Variants in ADK observed in about 807,000 individuals in gnomAD.
ADK encodes the protein adenosine kinase, also known as N6,N6-dimethyladenosine kinase.
ADK carries 24 observed loss-of-function variants against 44.7 expected under a neutral mutation model. That is an observed-to-expected ratio of 0.54 (90% CI 0.39 to 0.76). The LOEUF (loss-of-function observed/expected upper bound fraction) is 0.76, where lower values mean the gene tolerates loss of function less well. ADK is among the 30% of genes least tolerant of loss of function. ADK has a pLI of 0.00. For synonymous variants in ADK, 128 were observed against 142.6 expected, an observed-to-expected ratio of 0.90 and a Z score of 0.73; for missense variants, 321 against 425.1, an observed-to-expected ratio of 0.76 and a Z score of 2.15.
At chr10:74,280,901 T>A (rs1390723762) in intron 3 of ADK, among the ~76,000 whole-genome samples, 1 of 152,232 alleles carries the variant, frequency 6.6e-6, no homozygotes, top group African/African-American at 2.4e-5. Flanking sequence ...TCTTTCCTAA[T>A]TTAGATGCAA....
intron 7 of ADK, among the ~76,000 whole-genome samples, chr10:74,560,892 G>A (rs1215254537): frequency 6.6e-6 from 1 of 152,078 alleles, no homozygotes; most frequent in Non-Finnish European, 1.5e-5. Context: ...TTTAAGGTGC[G>A]AGCTATTATC....
chr10:74,418,640 T>C (rs1488927983), intron 6 of ADK, among the ~76,000 whole-genome samples: 1 of 152,194 alleles, frequency 6.6e-6, no homozygotes, highest in Non-Finnish European at 1.5e-5. Flanking sequence ...GTTTTTATGA[T>C]TGACTTTAAT....
At chr10:74,679,975 G>A (rs114548280) in intron 10 of ADK, among the ~76,000 whole-genome samples, 2,620 of 147,834 alleles carry the variant, frequency 0.018, 66 homozygotes, top group African/African-American at 0.063. Flanking sequence ...AAAATAAAAA[G>A]TAAAGAAGAC....
chr10:74,290,257 T>C (rs1470068711), intron 3 of ADK, among the ~76,000 whole-genome samples: 2 of 152,188 alleles, frequency 1.3e-5, no homozygotes, highest in East Asian at 1.9e-4. Context: ...TGTTTTTCAC[T>C]CTGACTTACT....
intron 4 of ADK, among the ~76,000 whole-genome samples, chr10:74,315,956 G>A (rs974516353): frequency 1.3e-5 from 2 of 151,996 alleles, no homozygotes; most frequent in Non-Finnish European, 2.9e-5. Flanking sequence ...GATGATTTAC[G>A]GCCAGGCACG....
intron 1 of ADK, among the ~76,000 whole-genome samples, chr10:74,197,500 A>G (rs1188729146): frequency 6.6e-6 from 1 of 151,928 alleles, no homozygotes; most frequent in Non-Finnish European, 1.5e-5. Flanking sequence ...AGGGGTTCGA[A>G]ACCAGCCTGG....
chr10:74,427,343 T>C (rs1367791804), intron 6 of ADK, among the ~76,000 whole-genome samples: 2 of 151,992 alleles, frequency 1.3e-5, no homozygotes, highest in East Asian at 1.9e-4. Flanking sequence ...GGACTATAGG[T>C]GCCCACCACC....
chr10:74,530,820 G>A (rs144133482), intron 7 of ADK, among the ~76,000 whole-genome samples: 62 of 152,274 alleles, frequency 4.1e-4, no homozygotes, highest in Middle Eastern at 3.4e-3. Context: ...AGCTACTCGG[G>A]TGGCTGAGGC....
At chr10:74,459,523 G>A (rs1846083445) in intron 6 of ADK, among the ~76,000 whole-genome samples, 1 of 151,890 alleles carries the variant, frequency 6.6e-6, no homozygotes, top group Non-Finnish European at 1.5e-5. Context: ...GAGGTCAAGA[G>A]ATCGAGACCA....
chr10:74,422,743 C>T (rs1480432325), intron 6 of ADK, among the ~76,000 whole-genome samples: 3 of 152,130 alleles, frequency 2.0e-5, no homozygotes, highest in Admixed American at 6.5e-5. Context: ...CAGTTCCATC[C>T]CTTCCCACTC....
chr10:74,356,622 A>G (rs1304928488), intron 4 of ADK, among the ~76,000 whole-genome samples: 1 of 152,204 alleles, frequency 6.6e-6, no homozygotes, highest in Admixed American at 6.5e-5. Context: ...ACTCCTGTTC[A>G]GTACATCTCT....
At chr10:74,447,854 A>G (rs1264883771) in intron 6 of ADK, among the ~76,000 whole-genome samples, 1 of 152,156 alleles carries the variant, frequency 6.6e-6, no homozygotes, top group East Asian at 1.9e-4. Flanking sequence ...AAGAGTACAA[A>G]GTACAAAAGA....
At chr10:74,247,056 G>A (rs576367780) in intron 3 of ADK, among the ~76,000 whole-genome samples, 3 of 151,942 alleles carry the variant, frequency 2.0e-5, no homozygotes, top group Admixed American at 1.3e-4. Context: ...GTGGTCCTGA[G>A]ATGAAAGTGT....
intron 1 of ADK, among the ~76,000 whole-genome samples, chr10:74,157,009 T>A (rs1444937147): frequency 6.6e-6 from 1 of 152,208 alleles, no homozygotes; most frequent in Non-Finnish European, 1.5e-5. Context: ...ATGCTCTGTA[T>A]GAAACTGAAG....
At chr10:74,338,968 T>G (rs1841498964) in intron 4 of ADK, among the ~76,000 whole-genome samples, 1 of 152,166 alleles carries the variant, frequency 6.6e-6, no homozygotes, top group Non-Finnish European at 1.5e-5. Context: ...AAATTTCTTT[T>G]AAGAGACAGT....
At chr10:74,452,981 A>G (rs147782712) in intron 6 of ADK, among the ~76,000 whole-genome samples, 4 of 152,178 alleles carry the variant, frequency 2.6e-5, no homozygotes, top group East Asian at 1.9e-4. Context: ...TGGATATACA[A>G]TCAAATGTAC....
chr10:74,218,563 T>C (rs1437209333), intron 2 of ADK, among the ~76,000 whole-genome samples: 1 of 152,140 alleles, frequency 6.6e-6, no homozygotes, highest in East Asian at 1.9e-4. Context: ...AGACACATAA[T>C]TGTCAGATTC....
At chr10:74,694,146 CATT>C (rs968848264) in intron 10 of ADK, among the ~76,000 whole-genome samples, 1 of 36,308 alleles carries the variant, frequency 2.8e-5, no homozygotes, top group African/African-American at 1.1e-4. Flanking sequence ...TTTTCAAACA[CATT>C]TTTTTTTTTT....
At chr10:74,605,342 C>T (rs1483026946) in intron 9 of ADK, among the ~76,000 whole-genome samples, 1 of 152,208 alleles carries the variant, frequency 6.6e-6, no homozygotes, top group Non-Finnish European at 1.5e-5. Flanking sequence ...GGCAATCCTT[C>T]CAGCTTTTGC....
Sources: allele counts gnomAD v4.1 joint callset (sites outside exome capture counted in the v4.1 genomes callset), GRCh38; gene constraint gnomAD v4.1.1; transcripts MANE v1.5; gene names NCBI Gene and HGNC (gene_info 2026-07-23, HGNC 2026-07-21).